Variants in BRF1 observed in about 807,000 individuals in gnomAD.
The protein encoded by BRF1 is transcription factor IIIB 90 kDa subunit.
A neutral mutation model predicts 81.7 loss-of-function variants in BRF1; 59 were observed. That is an observed-to-expected ratio of 0.72 (90% CI 0.59 to 0.90). The LOEUF (loss-of-function observed/expected upper bound fraction) is 0.90, where lower values mean the gene tolerates loss of function less well. Ranked by LOEUF, BRF1 falls within the 40% of genes least tolerant of loss-of-function variation. The pLI, the probability that BRF1 is intolerant of heterozygous loss-of-function variation, is 0.00. For synonymous variants in BRF1, 491 were observed against 395.6 expected (o/e 1.24, Z -2.86); for missense variants, 1,050 against 936.3 (o/e 1.12, Z -1.58).
chr14:105,270,888 A>G (rs903366901), intron 3 of BRF1, among the ~76,000 whole-genome samples: 2 of 152,064 alleles, frequency 1.3e-5, no homozygotes, highest in African/African-American at 4.8e-5. Flanking sequence ...CGTCATCTCC[A>G]GGAGCCCTCC....
At chr14:105,289,307 A>G (rs903121944) in intron 1 of BRF1, among the ~76,000 whole-genome samples, 2 of 152,218 alleles carry the variant, frequency 1.3e-5, no homozygotes, top group Non-Finnish European at 1.5e-5. Context: ...GCACCTCTGC[A>G]CTCCAGCCTG....
chr14:105,291,211 G>A (rs587698180), intron 1 of BRF1, among the ~76,000 whole-genome samples: 1 of 152,288 alleles, frequency 6.6e-6, no homozygotes, highest in South Asian at 2.1e-4. Context: ...AGAGGCCGCA[G>A]GGGCACCTCT....
chr14:105,226,794 G>T, intron 7 of BRF1, 34 bp from the exon 8 acceptor site: 1 of 1,612,548 alleles, frequency 6.2e-7, no homozygotes, highest in South Asian at 1.1e-5. Flanking sequence ...AATGGAGCTG[G>T]TGGCTCTGAA....
intron 10 of BRF1, 173 bp from the exon 11 acceptor site, chr14:105,222,087 G>A (rs777229061): frequency 1.4e-5 from 10 of 715,590 alleles, no homozygotes; most frequent in African/African-American, 3.7e-5. Flanking sequence ...CACTGCACGC[G>A]GAAGTTAGCT....
Position 105,265,072 on chromosome 14 carries a change from TG to T in BRF1, c.439+7648del, listed in dbSNP as rs1350639422. 8.2e-5 allele frequency among the ~76,000 whole-genome samples: 12 copies of T among 145,642 alleles called. 1 individual carries two copies. The highest frequency in any genetic ancestry group is 1.1e-4 in the African/African-American group (4 of 37,318). On this transcript the variant is annotated intron_variant, in intron 3 of 17. Coordinates refer to ENST00000547530, the MANE Select transcript of BRF1 (RefSeq NM_001519.4). ...TTTTTTTGTTTTTTTTTTGTTTGTT[TG>T]TTTTTTTAGAGACAGGGTCTCACTC...
intron 5 of BRF1, chr14:105,249,759 G>A: frequency 6.2e-7 from 1 of 1,613,866 alleles, no homozygotes; most frequent in Non-Finnish European, 8.5e-7. Flanking sequence ...CTGGAGACAA[G>A]TTTGGAAGCC....
At chr14:105,226,920 G>C (rs1280976503) in intron 7 of BRF1, 160 bp from the exon 8 acceptor site, 7 of 978,308 alleles carry the variant, frequency 7.2e-6, no homozygotes, top group Non-Finnish European at 1.0e-5. Flanking sequence ...ACCAGCCTAG[G>C]CAACACAGTG....
intron 4 of BRF1, 158 bp downstream of exon 4, chr14:105,256,360 C>T: frequency 6.4e-7 from 1 of 1,569,624 alleles, no homozygotes; most frequent in Non-Finnish European, 8.6e-7. Flanking sequence ...CATGAAGGCC[C>T]CTCATCCTAC....
Position 105,217,674 on chromosome 14 carries a change from T to C in BRF1, c.1642A>G (p.Ser548Gly). 1 of 1,613,440 alleles carries C rather than the reference T, an allele frequency of 6.2e-7. No homozygotes were observed. The highest frequency in any genetic ancestry group is 8.5e-7 in the Non-Finnish European group (1 of 1,180,032). Residue 548 changes from serine (S) to glycine (G), a missense_variant, in exon 15 of 18, where the codon AGC (serine) becomes GGC (glycine). By Grantham distance (56) the Ser-to-Gly change is moderately conservative. Transcript: ENST00000547530. ...INYSVLRGLS[S>G]AGGGSPHRED... ...CTGTGCGGACTGCCCCCGCCGGCGC[T>C]GCTGAGGCCCCGGAGCACGCTATAA...
At chr14:105,254,117 C>G (rs1008629) in intron 4 of BRF1, among the ~76,000 whole-genome samples, 1 of 152,144 alleles carries the variant, frequency 6.6e-6, no homozygotes, top group African/African-American at 2.4e-5. Flanking sequence ...ACCTCAAACT[C>G]CACACCCCCC....
chr14:105,310,914 CAT>C (rs2058336246), intron 1 of BRF1, among the ~76,000 whole-genome samples: 1 of 152,196 alleles, frequency 6.6e-6, no homozygotes, highest in Admixed American at 6.5e-5. Flanking sequence ...TAATCACTAA[CAT>C]GTAAATACAT....
intron 16 of BRF1, chr14:105,211,735 C>A: frequency 2.6e-6 from 1 of 379,536 alleles, no homozygotes; most frequent in Non-Finnish European, 4.9e-6. Context: ...TGGGCCAGAC[C>A]AGTCCCCAAC....
rs1222355041 is a variant in BRF1 at position 105,256,096 on chromosome 14, G to T, written c.471+422C>A. On this transcript the variant is annotated intron_variant, in intron 4 of 17. Coordinates refer to ENST00000547530, the MANE Select transcript of BRF1 (RefSeq NM_001519.4). ...GCTGAGATCACGCCACTGCACTCCA[G>T]CCTGGGTGACAGAGCGAGACTCCAT... The T allele has an allele frequency of 3.5e-6, 4 of 1,155,652 alleles. No homozygotes were observed. The East Asian group carries it at 1.7e-4, about 50-fold the overall frequency. The allele number at this position is 1,155,652 out of a possible 1,614,324, so 71.6% of individuals were successfully genotyped here. A position where few individuals can be genotyped will look rare whatever the true frequency, so the allele number is the denominator to read the frequency against.
intron 5 of BRF1, among the ~76,000 whole-genome samples, chr14:105,244,110 G>A (rs1410335845): frequency 1.3e-5 from 2 of 151,308 alleles, no homozygotes; most frequent in African/African-American, 4.9e-5. Context: ...GGAGTTCGAG[G>A]TCAGCCTGGG....
chr14:105,261,619 A>G (rs1421917752), intron 3 of BRF1, among the ~76,000 whole-genome samples: 1 of 152,264 alleles, frequency 6.6e-6, no homozygotes, highest in African/African-American at 2.4e-5. Context: ...ACTTAAAAAA[A>G]CAAGAAATTT....
rs2057962460 is a variant in BRF1 at position 105,300,447 on chromosome 14, G to A, written c.183C>T (p.Asp61=). Residue 61 remains aspartate, a splice_region_variant and synonymous_variant, in exon 1 of 18, where the codon GAC becomes GAT. Transcript: ENST00000547530. ...SSAVGQFVSL[D]GAGKTPTLGG... ...GCAGCGCCAGCCCGCGGGACTCACC[G>A]TCCAGGGACACGAACTGGCCCACGG... The A allele has an allele frequency of 1.3e-6, 2 of 1,525,446 alleles. No individual in the cohort carries two copies. Among genetic ancestry groups the A allele is most frequent in the African/African-American group, 1.4e-5 (1 of 70,784 alleles). The allele number at this position is 1,525,446 out of a possible 1,614,324, so 94.5% of individuals were successfully genotyped here.
intron 1 of BRF1, among the ~76,000 whole-genome samples, chr14:105,298,854 CAAA>C (rs1202505629): frequency 8.0e-6 from 1 of 124,744 alleles, no homozygotes. Context: ...GATTCTGTCT[CAAA>C]AAAAAAAAAA....
intron 1 of BRF1, among the ~76,000 whole-genome samples, chr14:105,293,621 C>T (rs1241490363): frequency 3.9e-5 from 6 of 152,220 alleles, no homozygotes; most frequent in East Asian, 1.9e-4. Context: ...GTGGAGCAGA[C>T]GGCCTCCTCA....
chr14:105,312,845 TC>T (rs1312937331), intron 1 of BRF1, among the ~76,000 whole-genome samples: 1 of 152,210 alleles, frequency 6.6e-6, no homozygotes, highest in Non-Finnish European at 1.5e-5. Context: ...GTGTTTCGTG[TC>T]CCTGCTTTCC....
Sources: allele counts gnomAD v4.1 joint callset (sites outside exome capture counted in the v4.1 genomes callset), GRCh38; gene constraint gnomAD v4.1.1; transcripts MANE v1.5; gene names NCBI Gene and HGNC (gene_info 2026-07-23, HGNC 2026-07-21).